The following DNAJB6 variants were observed in gnomAD, a reference collection of about 807,000 sequenced individuals.
DNAJB6 encodes dnaJ homolog subfamily B member 6.
A neutral mutation model predicts 42.7 loss-of-function variants in DNAJB6; 16 were observed. The ratio of observed to expected loss-of-function variants is 0.37; its 90% confidence interval spans 0.25 to 0.57. The LOEUF (loss-of-function observed/expected upper bound fraction) is 0.57, where lower values mean the gene tolerates loss of function less well. DNAJB6 is among the 20% of genes least tolerant of loss of function. The probability of loss-of-function intolerance (pLI) is 0.74; values close to 1 mark genes in which losing one functional copy is unlikely to be tolerated. For synonymous variants in DNAJB6, 170 were observed against 163.5 expected (o/e 1.04, Z -0.30); for missense variants, 347 against 416.8 (o/e 0.83, Z 1.46).
chr7:157,355,236 T>C (rs1239305280), intron 1 of DNAJB6, among the ~76,000 whole-genome samples: 1 of 152,236 alleles, frequency 6.6e-6, no homozygotes, highest in East Asian at 1.9e-4. Flanking sequence ...CTCGGCTCAC[T>C]GCAGGCTCCG....
At chr7:157,391,361 G>GAC (rs996193689) in intron 8 of DNAJB6, among the ~76,000 whole-genome samples, 2 of 152,226 alleles carry the variant, frequency 1.3e-5, no homozygotes, top group African/African-American at 4.8e-5. Context: ...AGGCCTCTGA[G>GAC]AAAGTCAGCT....
At chr7:157,390,860 A>C (rs1038367139) in intron 8 of DNAJB6, among the ~76,000 whole-genome samples, 2 of 152,072 alleles carry the variant, frequency 1.3e-5, no homozygotes, top group Admixed American at 6.6e-5. Context: ...CTTTTGGACC[A>C]GTTCTCTCTC....
At chr7:157,410,044 C>T (rs1212819191) in intron 9 of DNAJB6, 43 bp downstream of exon 9, 1 of 1,489,212 alleles carries the variant, frequency 6.7e-7, no homozygotes, top group Non-Finnish European at 8.9e-7. Context: ...CAGAGTGAGA[C>T]TTCTCTGGGT....
At chr7:157,366,299 AT>A (rs929782326) in intron 3 of DNAJB6, among the ~76,000 whole-genome samples, 11 of 152,000 alleles carry the variant, frequency 7.2e-5, no homozygotes, top group African/African-American at 1.2e-4. Flanking sequence ...AACATACTGA[AT>A]TTTTTTTGAA....
At chr7:157,373,792 GTT>G (rs1488807961) in intron 5 of DNAJB6, among the ~76,000 whole-genome samples, 8 of 152,292 alleles carry the variant, frequency 5.3e-5, no homozygotes, top group Non-Finnish European at 1.0e-4. Flanking sequence ...TGTAATGAGT[GTT>G]CTTTGATTAC....
chr7:157,363,468 G>T (rs888248496), intron 3 of DNAJB6, among the ~76,000 whole-genome samples, 198 bp downstream of exon 3: 1 of 152,160 alleles, frequency 6.6e-6, no homozygotes, highest in Non-Finnish European at 1.5e-5. Context: ...GAGTGCTGGG[G>T]AGCTCCAGGG....
chr7:157,388,198 A>T (rs934700156), intron 8 of DNAJB6, among the ~76,000 whole-genome samples: 2 of 152,220 alleles, frequency 1.3e-5, no homozygotes, highest in Non-Finnish European at 2.9e-5. Flanking sequence ...AATTTTATTA[A>T]GTTACTAATA....
At chr7:157,401,233 T>C (rs1421520890) in intron 8 of DNAJB6, among the ~76,000 whole-genome samples, 1 of 152,186 alleles carries the variant, frequency 6.6e-6, no homozygotes, top group Non-Finnish European at 1.5e-5. Flanking sequence ...TTTTCTTTTT[T>C]TTTGAGAAGG....
intron 1 of DNAJB6, among the ~76,000 whole-genome samples, chr7:157,341,207 C>T (rs1287636114): frequency 6.6e-6 from 1 of 152,106 alleles, no homozygotes. Context: ...TCACTGCAAC[C>T]TCTGCCGCAC....
chr7:157,388,648 G>A (rs1354466395), intron 8 of DNAJB6, among the ~76,000 whole-genome samples: 1 of 147,704 alleles, frequency 6.8e-6, no homozygotes, highest in African/African-American at 2.5e-5. Flanking sequence ...TGGGGGGGGG[G>A]TAAGTGGTTT....
chr7:157,397,532 A>C (rs571113762), intron 8 of DNAJB6, among the ~76,000 whole-genome samples: 1 of 152,236 alleles, frequency 6.6e-6, no homozygotes, highest in South Asian at 2.1e-4. Flanking sequence ...ATCCAACAGG[A>C]GACTTTCCTC....
chr7:157,353,162 A>T (rs895393727), intron 1 of DNAJB6, among the ~76,000 whole-genome samples: 11 of 150,612 alleles, frequency 7.3e-5, no homozygotes, highest in African/African-American at 2.7e-4. Context: ...TGCTGGGCTC[A>T]TGCAGTTTGT....
chr7:157,357,127 T>C (rs2116938189), intron 1 of DNAJB6, among the ~76,000 whole-genome samples: 1 of 150,430 alleles, frequency 6.6e-6, no homozygotes, highest in African/African-American at 2.5e-5. Flanking sequence ...AGTGAGACCC[T>C]GTCTCAATTA....
intron 8 of DNAJB6, among the ~76,000 whole-genome samples, chr7:157,398,044 C>G (rs1227949818): frequency 1.3e-5 from 2 of 152,232 alleles, no homozygotes; most frequent in Non-Finnish European, 2.9e-5. Context: ...AGCCTTCGTA[C>G]CTGCTCTGCC....
At chr7:157,382,473 G>A (rs1166156266) in intron 6 of DNAJB6, 96 bp downstream of exon 6, 4 of 1,354,890 alleles carry the variant, frequency 3.0e-6, no homozygotes, top group Non-Finnish European at 4.0e-6. Flanking sequence ...TAAAATATGT[G>A]TATACCTTTC....
chr7:157,415,905 A>T, intron 9 of DNAJB6, 111 bp from the exon 10 acceptor site: 1 of 1,585,738 alleles, frequency 6.3e-7, no homozygotes, highest in Non-Finnish European at 8.6e-7. Flanking sequence ...AGATGACTTC[A>T]TTTTGTTGCT....
At chr7:157,389,358 A>G (rs1459342297) in intron 8 of DNAJB6, among the ~76,000 whole-genome samples, 1 of 152,228 alleles carries the variant, frequency 6.6e-6, no homozygotes, top group African/African-American at 2.4e-5. Context: ...GATTGGCAGC[A>G]GTGTTGAAAT....
chr7:157,360,243 A>G (rs1449989941), intron 2 of DNAJB6, among the ~76,000 whole-genome samples: 2 of 152,198 alleles, frequency 1.3e-5, no homozygotes, highest in Non-Finnish European at 2.9e-5. Context: ...CAGCAAGAGA[A>G]TGAGGAAGAA....
rs115402893 is a variant in DNAJB6 at position 157,415,922 on chromosome 7, T to C, written c.899-94T>C. 664 of 1,596,714 alleles carry C rather than the reference T, an allele frequency of 4.2e-4. 5 individuals are homozygous for C. In the African/African-American group the frequency reaches 7.8e-3, roughly 19 times the overall value. ...ATGACTTCATTTTGTTGCTTTTTGT[T>C]CTTAACATGGGGAGATATTTAGAAA... On this transcript the variant is annotated intron_variant, in intron 9 of 9. Coordinates refer to ENST00000262177, the MANE Select transcript of DNAJB6 (RefSeq NM_058246.4).
Sources: allele counts gnomAD v4.1 joint callset (sites outside exome capture counted in the v4.1 genomes callset), GRCh38; gene constraint gnomAD v4.1.1; transcripts MANE v1.5; gene names NCBI Gene and HGNC (gene_info 2026-07-23, HGNC 2026-07-21).